KIF16B: variants seen among roughly 807,000 people sequenced by gnomAD.
The protein encoded by KIF16B is kinesin family member 16B, also known as kinesin-like protein KIF16B.
A neutral mutation model predicts 156.3 loss-of-function variants in KIF16B; 98 were observed. That is an observed-to-expected ratio of 0.63 (90% CI 0.53 to 0.74). KIF16B has a LOEUF of 0.74. Ranked by LOEUF, KIF16B falls within the 30% of genes least tolerant of loss-of-function variation. The pLI, the probability that KIF16B is intolerant of heterozygous loss-of-function variation, is 0.00. For missense variants in KIF16B, 1,421 were observed against 1,606.5 expected, an observed-to-expected ratio of 0.88 and a Z score of 1.97; for synonymous variants, 564 against 583.7, an observed-to-expected ratio of 0.97 and a Z score of 0.49.
At chr20:16,538,876 T>G (rs2070083560) in intron 1 of KIF16B, among the ~76,000 whole-genome samples, 1 of 152,090 alleles carries the variant, frequency 6.6e-6, no homozygotes, top group Non-Finnish European at 1.5e-5. Flanking sequence ...AATGAGTTCT[T>G]GTGAGATCTG....
chr20:16,314,897 A>G (rs2063674244), intron 24 of KIF16B, among the ~76,000 whole-genome samples: 1 of 152,110 alleles, frequency 6.6e-6, no homozygotes, highest in Non-Finnish European at 1.5e-5. Context: ...GTACAAGAAG[A>G]GCTCATCTTC....
At chr20:16,296,963 G>A (rs2063396227) in intron 25 of KIF16B, among the ~76,000 whole-genome samples, 1 of 152,232 alleles carries the variant, frequency 6.6e-6, no homozygotes, top group Non-Finnish European at 1.5e-5. Context: ...GAGAGTAAGA[G>A]GGAATTAAAT....
At chr20:16,347,576 T>G (rs7269191) in intron 23 of KIF16B, among the ~76,000 whole-genome samples, 1 of 152,024 alleles carries the variant, frequency 6.6e-6, no homozygotes, top group African/African-American at 2.4e-5. Flanking sequence ...AAAAAAAAAT[T>G]TTTTTTCACT....
intron 19 of KIF16B, 93 bp downstream of exon 19, chr20:16,378,712 A>T (rs200451038): frequency 3.9e-5 from 7 of 181,772 alleles, no homozygotes; most frequent in Non-Finnish European, 4.8e-5. Flanking sequence ...AGAATAAGTT[A>T]AAAAAAAAAA....
intron 25 of KIF16B, among the ~76,000 whole-genome samples, chr20:16,284,203 G>A (rs946298536): frequency 1.3e-5 from 2 of 152,146 alleles, no homozygotes; most frequent in African/African-American, 4.8e-5. Flanking sequence ...AGGAACACCT[G>A]CCTGGCACAC....
At chr20:16,451,105 C>T (rs1013636196) in intron 12 of KIF16B, among the ~76,000 whole-genome samples, 3 of 152,172 alleles carry the variant, frequency 2.0e-5, no homozygotes, top group African/African-American at 4.8e-5. Context: ...CTGCAAGCTG[C>T]CTTCCAAGCT....
chr20:16,332,652 G>C (rs530168326), intron 24 of KIF16B, among the ~76,000 whole-genome samples: 25 of 152,274 alleles, frequency 1.6e-4, no homozygotes, highest in African/African-American at 5.3e-4. Context: ...TTCAGGAAAA[G>C]AGGCTTCTGC....
intron 23 of KIF16B, among the ~76,000 whole-genome samples, chr20:16,352,148 C>T (rs2064350079): frequency 6.6e-6 from 1 of 152,216 alleles, no homozygotes; most frequent in South Asian, 2.1e-4. Flanking sequence ...CCACCAGAAA[C>T]TTCTGGAGGG....
intron 3 of KIF16B, 51 bp from the exon 4 acceptor site, chr20:16,515,715 A>T: frequency 2.0e-6 from 2 of 1,011,578 alleles, no homozygotes; most frequent in Non-Finnish European, 3.1e-6. Flanking sequence ...AGATTTTAAT[A>T]ATAGCCCCTT....
At chr20:16,567,983 C>T (rs1053863906) in intron 1 of KIF16B, among the ~76,000 whole-genome samples, 8 of 152,184 alleles carry the variant, frequency 5.3e-5, no homozygotes, top group Admixed American at 3.9e-4. Context: ...TACCTGGTAC[C>T]TGGCAGTGCC....
At chr20:16,300,766 G>C (rs1304937092) in intron 25 of KIF16B, among the ~76,000 whole-genome samples, 1 of 152,054 alleles carries the variant, frequency 6.6e-6, no homozygotes, top group Non-Finnish European at 1.5e-5. Context: ...AATATGCAGA[G>C]CCTCCCCCGC....
At chr20:16,541,772 G>A (rs946496709) in intron 1 of KIF16B, among the ~76,000 whole-genome samples, 1 of 152,216 alleles carries the variant, frequency 6.6e-6, no homozygotes, top group Non-Finnish European at 1.5e-5. Context: ...GGGAGAAGTG[G>A]AGCTGCAGCA....
intron 3 of KIF16B, among the ~76,000 whole-genome samples, chr20:16,524,487 C>T (rs534012889): frequency 2.6e-5 from 4 of 152,254 alleles, no homozygotes; most frequent in East Asian, 1.9e-4. Context: ...TACCATCTCA[C>T]GCCAGTTAGA....
chr20:16,357,612 A>C (rs1285987130), intron 22 of KIF16B, among the ~76,000 whole-genome samples: 1 of 152,330 alleles, frequency 6.6e-6, no homozygotes, highest in East Asian at 1.9e-4. Context: ...ACAGGGGGCA[A>C]TAAGCTCCCT....
intron 12 of KIF16B, among the ~76,000 whole-genome samples, chr20:16,485,180 C>T (rs2068081750): frequency 6.6e-6 from 1 of 152,178 alleles, no homozygotes; most frequent in African/African-American, 2.4e-5. Context: ...AAATCATCCC[C>T]AGCTGACATC....
chr20:16,379,343 C>G lies in KIF16B; in HGVS notation c.2659G>C (p.Glu887Gln). ...ATTTTCTCGAAATCTTGAGGCACTT[C>G]CGTGACATCTGTGACACTCTCATCA... ...KHDESVTDVT[E>Q]VPQDFEKIKP... Residue 887 changes from glutamate (E) to glutamine (Q), a missense_variant, in exon 19 of 26, where the codon GAA becomes CAA. Physicochemically the swap from Glu to Gln is conservative, Grantham distance 29 (BLOSUM62 2). Transcript: ENST00000354981. 3 of 1,605,670 alleles carry G rather than the reference C, an allele frequency of 1.9e-6. No homozygotes were observed. The highest frequency in any genetic ancestry group is 2.5e-6 in the Non-Finnish European group (3 of 1,176,590).
intron 24 of KIF16B, among the ~76,000 whole-genome samples, chr20:16,333,762 T>C (rs2122929731): frequency 6.6e-6 from 1 of 152,330 alleles, no homozygotes; most frequent in South Asian, 2.1e-4. Context: ...ATTAGAGTTG[T>C]ATATTGGTGC....
chr20:16,358,046 G>A (rs146186247), intron 22 of KIF16B, among the ~76,000 whole-genome samples: 7 of 152,204 alleles, frequency 4.6e-5, no homozygotes, highest in South Asian at 4.2e-4. Flanking sequence ...AAAAGTAGTC[G>A]GGAGTGGTGG....
intron 25 of KIF16B, among the ~76,000 whole-genome samples, chr20:16,284,513 T>C (rs1421171856): frequency 6.6e-6 from 1 of 152,168 alleles, no homozygotes; most frequent in Non-Finnish European, 1.5e-5. Context: ...TTTCACTCTC[T>C]CTTTTTTCAC....
Sources: allele counts gnomAD v4.1 joint callset (sites outside exome capture counted in the v4.1 genomes callset), GRCh38; gene constraint gnomAD v4.1.1; transcripts MANE v1.5; gene names NCBI Gene and HGNC (gene_info 2026-07-23, HGNC 2026-07-21).